Variants in HS3ST5 observed in about 807,000 individuals in gnomAD.
HS3ST5 encodes heparan sulfate glucosamine 3-O-sulfotransferase 5.
Under a neutral mutation model 25.4 loss-of-function variants are expected in HS3ST5, and 10 were observed. The observed-to-expected ratio is 0.39, with a 90% CI of 0.24 to 0.67. The LOEUF is 0.67. Among genes scored for constraint, HS3ST5 ranks in the 30% least tolerant of loss-of-function variants. HS3ST5 has a pLI of 0.44. For missense variants in HS3ST5, 324 were observed against 420.7 expected (o/e 0.77, Z 2.01); for synonymous variants, 170 against 162.4 (o/e 1.05, Z -0.36).
At chr6:114,197,016 A>G (rs1185585442) in intron 2 of HS3ST5, among the ~76,000 whole-genome samples, 1 of 152,164 alleles carries the variant, frequency 6.6e-6, no homozygotes, top group Non-Finnish European at 1.5e-5. Context: ...TTCAGGATGG[A>G]GACAGCCCAA....
chr6:114,098,430 ATAAAT>A (rs1775554686), intron 3 of HS3ST5, among the ~76,000 whole-genome samples: 1 of 150,008 alleles, frequency 6.7e-6, no homozygotes, highest in Non-Finnish European at 1.5e-5. Context: ...AATATAGATG[ATAAAT>A]TAATATTGTC....
At chr6:114,289,670 A>C (rs547487981) in intron 1 of HS3ST5, among the ~76,000 whole-genome samples, 61 of 152,238 alleles carry the variant, frequency 4.0e-4, no homozygotes, top group African/African-American at 1.4e-3. Context: ...CTTGTTATCT[A>C]TCTCCTCAGG....
intron 1 of HS3ST5, among the ~76,000 whole-genome samples, chr6:114,282,267 G>A (rs779208005): frequency 7.9e-5 from 12 of 151,866 alleles, no homozygotes; most frequent in Non-Finnish European, 1.2e-4. Flanking sequence ...ACATGCAGCC[G>A]CTGGCATCTT....
At chr6:114,164,454 AC>A (rs1779113435) in intron 3 of HS3ST5, among the ~76,000 whole-genome samples, 1 of 152,208 alleles carries the variant, frequency 6.6e-6, no homozygotes, top group African/African-American at 2.4e-5. Flanking sequence ...TTTTAGAAAT[AC>A]TTGACAGTTG....
chr6:114,304,145 G>T (rs1389041179), intron 1 of HS3ST5, among the ~76,000 whole-genome samples: 1 of 152,118 alleles, frequency 6.6e-6, no homozygotes, highest in Non-Finnish European at 1.5e-5. Context: ...TCAAAGGTCA[G>T]TCAGAAAAGA....
At chr6:114,297,784 C>T (rs558746773) in intron 1 of HS3ST5, among the ~76,000 whole-genome samples, 143 of 152,288 alleles carry the variant, frequency 9.4e-4, no homozygotes, top group African/African-American at 3.3e-3. Context: ...GTATGCTAGT[C>T]TCATGAAACT....
intron 3 of HS3ST5, among the ~76,000 whole-genome samples, chr6:114,083,870 A>C (rs1774609446): frequency 6.6e-6 from 1 of 152,018 alleles, no homozygotes; most frequent in South Asian, 2.1e-4. Flanking sequence ...CCTATGTTTC[A>C]TGTTTTCTAT....
At chr6:114,216,434 T>C (rs750503821) in intron 2 of HS3ST5, among the ~76,000 whole-genome samples, 7 of 152,166 alleles carry the variant, frequency 4.6e-5, no homozygotes, top group Non-Finnish European at 8.8e-5. Flanking sequence ...CAAAGCTTCA[T>C]TGCTGGCAAT....
chr6:114,232,851 T>A (rs1019472967), intron 1 of HS3ST5, among the ~76,000 whole-genome samples: 1 of 152,192 alleles, frequency 6.6e-6, no homozygotes. Context: ...CATAACCTTG[T>A]CTGTTTCCCT....
chr6:114,283,848 C>T (rs1373606216), intron 1 of HS3ST5, among the ~76,000 whole-genome samples: 2 of 151,860 alleles, frequency 1.3e-5, no homozygotes, highest in African/African-American at 2.4e-5. Context: ...GCAAAAAGAA[C>T]CCCAAATCTT....
At chr6:114,150,179 T>C (rs1447716454) in intron 3 of HS3ST5, among the ~76,000 whole-genome samples, 4 of 152,252 alleles carry the variant, frequency 2.6e-5, no homozygotes, top group African/African-American at 9.6e-5. Context: ...TTAAGAATAC[T>C]TTCAATACAA....
chr6:114,172,877 C>G (rs1779536660), intron 2 of HS3ST5, among the ~76,000 whole-genome samples: 1 of 152,038 alleles, frequency 6.6e-6, no homozygotes, highest in Non-Finnish European at 1.5e-5. Flanking sequence ...TGAGGAGGGT[C>G]AGAGCTACTT....
intron 2 of HS3ST5, among the ~76,000 whole-genome samples, chr6:114,196,825 G>A (rs1562234271): frequency 1.3e-5 from 2 of 152,012 alleles, no homozygotes; most frequent in South Asian, 2.1e-4. Flanking sequence ...TAAAGGAGGG[G>A]ATTTGGTGTT....
intron 3 of HS3ST5, among the ~76,000 whole-genome samples, chr6:114,097,342 A>G (rs1775486076): frequency 6.6e-6 from 1 of 152,006 alleles, no homozygotes; most frequent in Non-Finnish European, 1.5e-5. Flanking sequence ...TTATTAGGGT[A>G]TATTTCATTT....
chr6:114,178,641 C>T (rs1779830820), intron 2 of HS3ST5: 1 of 152,150 alleles, frequency 6.6e-6, no homozygotes, highest in South Asian at 2.1e-4. Context: ...CACCTGTTTT[C>T]TTTTGTGTTA....
chr6:114,180,235 A>C (rs2115021844), intron 2 of HS3ST5, among the ~76,000 whole-genome samples: 1 of 152,188 alleles, frequency 6.6e-6, no homozygotes, highest in East Asian at 1.9e-4. Context: ...ACTGCTCTCT[A>C]ACTCTGGACA....
At chr6:114,186,386 T>TA (rs1400732497) in intron 2 of HS3ST5, among the ~76,000 whole-genome samples, 1 of 152,132 alleles carries the variant, frequency 6.6e-6, no homozygotes, top group Non-Finnish European at 1.5e-5. Context: ...GAAACAGCCT[T>TA]ATTGCCAATA....
chr6:114,073,187 C>G (rs1773926785), intron 3 of HS3ST5, among the ~76,000 whole-genome samples: 1 of 152,050 alleles, frequency 6.6e-6, no homozygotes, highest in Non-Finnish European at 1.5e-5. Context: ...CCATAAAAAC[C>G]CTAGAAGAAA....
At chr6:114,058,305 C>T in intron 4 of HS3ST5, 115 bp from the exon 5 acceptor site, 1 of 733,568 alleles carries the variant, frequency 1.4e-6, no homozygotes, top group Non-Finnish European at 2.2e-6. Flanking sequence ...TCCCAGCCTG[C>T]TGCAATCCAT....
Sources: allele counts gnomAD v4.1 joint callset (sites outside exome capture counted in the v4.1 genomes callset), GRCh38; gene constraint gnomAD v4.1.1; transcripts MANE v1.5; gene names NCBI Gene and HGNC (gene_info 2026-07-23, HGNC 2026-07-21).